Variants in PRELID3A observed in about 807,000 individuals in gnomAD.
PRELID3A encodes the protein PRELI domain containing 3A.
Under a neutral mutation model 23.0 loss-of-function variants are expected in PRELID3A, and 27 were observed. The ratio of observed to expected loss-of-function variants is 1.17; its 90% CI spans 0.87 to 1.62. The LOEUF is 1.62. PRELID3A is among the 40% of genes most tolerant of loss of function. The probability of loss-of-function intolerance (pLI) is 0.00; values close to 1 mark genes in which losing one functional copy is unlikely to be tolerated. For synonymous variants in PRELID3A, 87 were observed against 86.4 expected (o/e 1.01, Z -0.04); for missense variants, 231 against 231.4 (o/e 1.00, Z 0.01).
intron 1 of PRELID3A, among the ~76,000 whole-genome samples, chr18:12,412,420 T>C (rs1323089317): frequency 3.4e-5 from 5 of 149,152 alleles, no homozygotes; most frequent in Non-Finnish European, 7.4e-5. Flanking sequence ...ACTGCTGACC[T>C]CAAGTTATCA....
chr18:12,422,929 C>T (rs577163332), intron 3 of PRELID3A, among the ~76,000 whole-genome samples: 9 of 152,312 alleles, frequency 5.9e-5, no homozygotes, highest in Admixed American at 3.3e-4. Context: ...GTTCTGCCAA[C>T]GGTATCAAGT....
At chr18:12,414,718 G>A (rs556836794) in intron 1 of PRELID3A, among the ~76,000 whole-genome samples, 1 of 152,124 alleles carries the variant, frequency 6.6e-6, no homozygotes, top group African/African-American at 2.4e-5. Flanking sequence ...GCAACAGAGT[G>A]AGACTTGGTC....
chr18:12,421,236 G>C, intron 2 of PRELID3A: 1 of 352,718 alleles, frequency 2.8e-6, no homozygotes, highest in Non-Finnish European at 5.2e-6. Flanking sequence ...TTCCTCTTTG[G>C]GGCTCTGCCC....
chr18:12,408,273 C>G (rs1482895993), intron 1 of PRELID3A, among the ~76,000 whole-genome samples: 4 of 151,582 alleles, frequency 2.6e-5, no homozygotes, highest in African/African-American at 7.3e-5. Context: ...ACAGAGGCCC[C>G]GCTGGTGGTC....
rs1568166122 is a variant in PRELID3A at position 12,427,104 on chromosome 18, C to A, written c.355C>A (p.Pro119Thr). 2 of 1,612,848 alleles carry A rather than the reference C, an allele frequency of 1.2e-6. No homozygotes were observed. The highest frequency in any genetic ancestry group is 1.1e-5 in the South Asian group (1 of 91,056). ...RLVYTPHPENPEMTVLTQEAI... is the reference protein window; with the variant it reads ...RLVYTPHPENTEMTVLTQEAI... Reference sequence around the variant, plus strand: ...GGTGTACACACCTCATCCAGAGAACCCAGAAATGTGAGTCATCTCCTGTGG... The same window carrying A: ...GGTGTACACACCTCATCCAGAGAACACAGAAATGTGAGTCATCTCCTGTGG... Residue 119 changes from proline (P) to threonine (T), a missense_variant, in exon 4 of 7, where the codon CCA (proline) becomes ACA (threonine). Pro to Thr is a conservative substitution (Grantham distance 38). Transcript: ENST00000440960.
intron 1 of PRELID3A, 107 bp downstream of exon 1, chr18:12,408,114 G>A: frequency 4.0e-6 from 4 of 1,000,992 alleles, no homozygotes; most frequent in Non-Finnish European, 5.1e-6. Flanking sequence ...CGGGCCTCGC[G>A]GAGATCCCCG....
chr18:12,429,155 A>G (rs1040412023), intron 5 of PRELID3A, among the ~76,000 whole-genome samples, 195 bp from the exon 6 acceptor site: 1 of 152,162 alleles, frequency 6.6e-6, no homozygotes, highest in Non-Finnish European at 1.5e-5. Context: ...AGTGACTCTT[A>G]GGCACTGTTT....
chr18:12,410,154 T>G (rs1264226802), intron 1 of PRELID3A, among the ~76,000 whole-genome samples: 1 of 152,230 alleles, frequency 6.6e-6, no homozygotes, highest in Non-Finnish European at 1.5e-5. Context: ...GCTCACCATG[T>G]GGTAGAGTGT....
At position 12,427,278 on chromosome 18, in the gene PRELID3A, T is replaced by C; in HGVS notation, c.420T>C (p.Tyr140=). Residue 140 remains tyrosine, a synonymous_variant, in exon 5 of 7, where the codon TAT becomes TAC. Coordinates refer to ENST00000440960, the MANE Select transcript of PRELID3A (RefSeq NM_001142405.2). ...ITVKGISLGS[Y]LESLMANTIS... is the part of the protein sequence containing the mutation. Reference sequence around the variant, plus strand: ...TGAAGGGGATTAGCCTTGGTAGTTATTTGGAAAGTTTAATGGCCAATACGA... The same window carrying C: ...TGAAGGGGATTAGCCTTGGTAGTTACTTGGAAAGTTTAATGGCCAATACGA... 1 of 1,614,172 alleles carries C rather than the reference T, an allele frequency of 6.2e-7. No individual in the cohort carries two copies. The highest frequency in any genetic ancestry group is 8.5e-7 in the Non-Finnish European group (1 of 1,179,998).
intron 3 of PRELID3A, among the ~76,000 whole-genome samples, chr18:12,426,225 G>A (rs995775211): frequency 8.0e-5 from 12 of 150,816 alleles, no homozygotes; most frequent in Middle Eastern, 3.6e-3. Flanking sequence ...GTAACAGAGC[G>A]AGACTCTGTC....
At chr18:12,412,189 CT>C (rs763784337) in intron 1 of PRELID3A, among the ~76,000 whole-genome samples, 5,014 of 140,404 alleles carry the variant, frequency 0.036, 253 homozygotes, top group African/African-American at 0.12. Context: ...GGCGCCCGGC[CT>C]TTTTTTTTTT....
chr18:12,426,035 G>C (rs1300400208), intron 3 of PRELID3A, among the ~76,000 whole-genome samples: 2 of 151,892 alleles, frequency 1.3e-5, no homozygotes, highest in Non-Finnish European at 2.9e-5. Context: ...AGGAGATTGA[G>C]ACCATCCTGG....
chr18:12,419,035 A>G (rs1372056055), intron 1 of PRELID3A, among the ~76,000 whole-genome samples: 1 of 152,194 alleles, frequency 6.6e-6, no homozygotes, highest in Non-Finnish European at 1.5e-5. Context: ...GTTAAAATAA[A>G]AAGTTGGGCT....
intron 1 of PRELID3A, among the ~76,000 whole-genome samples, chr18:12,417,906 A>G (rs503307): frequency 0.74 from 111,835 of 152,144 alleles, 41,685 homozygotes; most frequent in East Asian, 0.99. Flanking sequence ...TGCATGGTTC[A>G]AAAAACTGAA....
At chr18:12,413,173 AC>A (rs1909972379) in intron 1 of PRELID3A, among the ~76,000 whole-genome samples, 1 of 152,356 alleles carries the variant, frequency 6.6e-6, no homozygotes, top group African/African-American at 2.4e-5. Flanking sequence ...AAAACCTGAA[AC>A]TATAATGAAT....
At chr18:12,423,024 G>A (rs974262240) in intron 3 of PRELID3A, among the ~76,000 whole-genome samples, 2 of 152,326 alleles carry the variant, frequency 1.3e-5, no homozygotes, top group Non-Finnish European at 2.9e-5. Context: ...TCATCGCACG[G>A]TGGGCATCTA....
intron 1 of PRELID3A, among the ~76,000 whole-genome samples, chr18:12,410,090 G>T (rs1909860156): frequency 6.6e-6 from 1 of 152,194 alleles, no homozygotes; most frequent in Admixed American, 6.5e-5. Context: ...ATGTCATCCT[G>T]CAATATGGGG....
chr18:12,416,242 A>G (rs57202284), intron 1 of PRELID3A, among the ~76,000 whole-genome samples: 5,884 of 151,838 alleles, frequency 0.039, 210 homozygotes, highest in African/African-American at 0.091. Flanking sequence ...ATATTGCCAG[A>G]CTTGTCTATT....
intron 1 of PRELID3A, among the ~76,000 whole-genome samples, chr18:12,409,355 CAG>C (rs964628787): frequency 6.6e-6 from 1 of 151,710 alleles, no homozygotes. Flanking sequence ...TTAGTAGAAA[CAG>C]GGTTTCGCCA....
Sources: gnomAD v4.1 joint callset for allele counts (sites outside exome capture counted in the v4.1 genomes callset) on GRCh38, gnomAD v4.1.1 for gene constraint, MANE v1.5 for transcripts, NCBI Gene and HGNC (gene_info 2026-07-23, HGNC 2026-07-21) for gene names.